KCNH5: variants seen among roughly 807,000 people sequenced by gnomAD.
KCNH5 encodes voltage-gated delayed rectifier potassium channel KCNH5.
A neutral mutation model predicts 96.1 loss-of-function variants in KCNH5; 46 were observed. That is an observed-to-expected ratio of 0.48 (90% confidence interval 0.38 to 0.61). The LOEUF is 0.61. Among genes scored for constraint, KCNH5 ranks in the 20% least tolerant of loss-of-function variants. The probability of loss-of-function intolerance (pLI) is 0.00; values close to 1 mark genes in which losing one functional copy is unlikely to be tolerated. For missense variants in KCNH5, 907 were observed against 1,225.8 expected (o/e 0.74, Z 3.88); for synonymous variants, 439 against 449.8 (o/e 0.98, Z 0.30).
At chr14:62,805,026 A>T (rs1260951357) in intron 8 of KCNH5, among the ~76,000 whole-genome samples, 5 of 152,224 alleles carry the variant, frequency 3.3e-5, no homozygotes, top group Non-Finnish European at 5.9e-5. Flanking sequence ...GCACTGATTA[A>T]GGTTAATATT....
At chr14:62,720,475 C>T (rs1223409572) in intron 10 of KCNH5, among the ~76,000 whole-genome samples, 2 of 152,040 alleles carry the variant, frequency 1.3e-5, no homozygotes, top group South Asian at 4.2e-4. Flanking sequence ...CCCAGCTACT[C>T]GGGAGGCTGA....
At chr14:62,801,227 A>G (rs1050915367) in intron 9 of KCNH5, among the ~76,000 whole-genome samples, 1 of 152,054 alleles carries the variant, frequency 6.6e-6, no homozygotes, top group Non-Finnish European at 1.5e-5. Flanking sequence ...ACTTTTGAGA[A>G]TAAGTGGCAT....
intron 7 of KCNH5, among the ~76,000 whole-genome samples, chr14:62,873,834 A>T (rs1888312851): frequency 6.6e-6 from 1 of 152,186 alleles, no homozygotes; most frequent in African/African-American, 2.4e-5. Context: ...CTGCTGACAG[A>T]CACAAAGTGA....
intron 10 of KCNH5, among the ~76,000 whole-genome samples, chr14:62,741,119 A>C (rs2139934790): frequency 6.6e-6 from 1 of 152,308 alleles, no homozygotes; most frequent in East Asian, 1.9e-4. Flanking sequence ...TATGTAAAGA[A>C]GACTCATAAT....
chr14:63,037,143 T>G (rs777413200), intron 1 of KCNH5, among the ~76,000 whole-genome samples: 35 of 152,288 alleles, frequency 2.3e-4, no homozygotes, highest in Non-Finnish European at 3.5e-4. Context: ...CGTACTTACA[T>G]GTACTGCCTA....
At chr14:62,878,903 C>T (rs528761154) in intron 7 of KCNH5, among the ~76,000 whole-genome samples, 9 of 151,966 alleles carry the variant, frequency 5.9e-5, no homozygotes, top group Non-Finnish European at 1.2e-4. Flanking sequence ...GGATACTAGT[C>T]GTACTAGATT....
intron 7 of KCNH5, among the ~76,000 whole-genome samples, chr14:62,910,632 G>A (rs1171541507): frequency 2.0e-5 from 3 of 152,048 alleles, no homozygotes; most frequent in African/African-American, 7.2e-5. Context: ...AAATACCTGG[G>A]AATAAATCTA....
chr14:62,810,596 A>G (rs1886853505), intron 8 of KCNH5, among the ~76,000 whole-genome samples: 1 of 152,112 alleles, frequency 6.6e-6, no homozygotes, highest in African/African-American at 2.4e-5. Context: ...GATGGCCACA[A>G]GAGTGACCTC....
intron 9 of KCNH5, among the ~76,000 whole-genome samples, chr14:62,784,717 G>A (rs1886286228): frequency 6.6e-6 from 1 of 151,978 alleles, no homozygotes; most frequent in Non-Finnish European, 1.5e-5. Context: ...ACCAATATGG[G>A]CCATTTTTAA....
chr14:63,003,632 T>TG (rs1343941173), intron 3 of KCNH5, among the ~76,000 whole-genome samples: 2 of 120,602 alleles, frequency 1.7e-5, no homozygotes, highest in African/African-American at 3.4e-5. Flanking sequence ...ATATTTTTTT[T>TG]TTTTTGAGAC....
intron 7 of KCNH5, among the ~76,000 whole-genome samples, chr14:62,897,926 C>T (rs1337368923): frequency 6.6e-6 from 1 of 151,890 alleles, no homozygotes; most frequent in Non-Finnish European, 1.5e-5. Context: ...ATACTAACCA[C>T]AGAGGAAAAA....
At chr14:62,891,723 G>A (rs1262562920) in intron 7 of KCNH5, among the ~76,000 whole-genome samples, 1 of 152,048 alleles carries the variant, frequency 6.6e-6, no homozygotes, top group Non-Finnish European at 1.5e-5. Flanking sequence ...AACAGTATGT[G>A]CTCATTTTGT....
chr14:62,987,143 G>A lies in KCNH5; in HGVS notation c.478C>T (p.Arg160Ter). ...ARLTRALTNS[R>*]SVLQQLTPMN... is the part of the protein sequence containing the mutation. Reference sequence around the variant, plus strand: ...GGCGTGAGCTGCTGCAAAACACTTCGGCTATTTGTCAAAGCCCGTGTCAAT... The same window carrying A: ...GGCGTGAGCTGCTGCAAAACACTTCAGCTATTTGTCAAAGCCCGTGTCAAT... Residue 160 changes from arginine to a stop codon, truncating the protein, a stop_gained, in exon 5 of 11, where the codon CGA becomes TGA. Coordinates refer to ENST00000322893, the MANE Select transcript of KCNH5 (RefSeq NM_139318.5). LOFTEE classifies it high-confidence loss of function. The A allele has an allele frequency of 2.5e-6, 4 of 1,613,428 alleles. No homozygotes were observed. The highest frequency in any genetic ancestry group is 3.4e-6 in the Non-Finnish European group (4 of 1,179,596).
intron 6 of KCNH5, among the ~76,000 whole-genome samples, chr14:62,976,171 C>T (rs1020506057): frequency 1.3e-5 from 2 of 150,722 alleles, no homozygotes; most frequent in African/African-American, 2.4e-5. Flanking sequence ...GAGGCCAAGA[C>T]GGGTGGATCA....
chr14:62,859,006 T>C (rs1566684666), intron 7 of KCNH5, among the ~76,000 whole-genome samples: 1 of 152,120 alleles, frequency 6.6e-6, no homozygotes, highest in Non-Finnish European at 1.5e-5. Context: ...AGTGCCTTGG[T>C]CAGAGGCAAT....
At chr14:62,763,488 A>C (rs1321442245) in intron 10 of KCNH5, among the ~76,000 whole-genome samples, 1 of 152,210 alleles carries the variant, frequency 6.6e-6, no homozygotes, top group Non-Finnish European at 1.5e-5. Flanking sequence ...CTAGAAAAAC[A>C]AGAACAAACC....
chr14:62,734,006 C>A (rs1342668205), intron 10 of KCNH5, among the ~76,000 whole-genome samples: 3 of 152,180 alleles, frequency 2.0e-5, no homozygotes, highest in African/African-American at 7.2e-5. Flanking sequence ...ATTCTACTGG[C>A]ACTTCAAAGT....
At chr14:62,713,638 C>T (rs921225205) in intron 10 of KCNH5, among the ~76,000 whole-genome samples, 3 of 152,196 alleles carry the variant, frequency 2.0e-5, no homozygotes, top group African/African-American at 7.2e-5. Flanking sequence ...TGCTTATGGA[C>T]TTTAAACACT....
chr14:62,829,862 G>A (rs1887306510), intron 8 of KCNH5, among the ~76,000 whole-genome samples: 1 of 152,142 alleles, frequency 6.6e-6, no homozygotes, highest in African/African-American at 2.4e-5. Context: ...TGGTCAGGCT[G>A]CAAATTTTCT....
Sources: gnomAD v4.1 joint callset for allele counts (sites outside exome capture counted in the v4.1 genomes callset) on GRCh38, gnomAD v4.1.1 for gene constraint, MANE v1.5 for transcripts, NCBI Gene and HGNC (gene_info 2026-07-23, HGNC 2026-07-21) for gene names.